CTNNA3: variants seen among roughly 807,000 people sequenced by gnomAD.
CTNNA3 encodes the protein catenin alpha 3.
Under a neutral mutation model 95.7 loss-of-function variants are expected in CTNNA3, and 76 were observed. The ratio of observed to expected loss-of-function variants is 0.79; its 90% confidence interval spans 0.66 to 0.96. CTNNA3 has a LOEUF of 0.96. CTNNA3 is among the 40% of genes least tolerant of loss of function. CTNNA3 has a pLI of 0.00. For missense variants in CTNNA3, 1,191 were observed against 1,089.8 expected (o/e 1.09, Z -1.31); for synonymous variants, 431 against 374.4 (o/e 1.15, Z -1.74).
chr10:66,636,987 T>A (rs186529892), intron 9 of CTNNA3, among the ~76,000 whole-genome samples: 2 of 152,312 alleles, frequency 1.3e-5, no homozygotes, highest in African/African-American at 4.8e-5. Context: ...AAATGTTAGC[T>A]GGATAGTTTT....
chr10:66,564,058 G>A (rs932758151), intron 10 of CTNNA3, among the ~76,000 whole-genome samples: 18 of 151,990 alleles, frequency 1.2e-4, no homozygotes, highest in Admixed American at 5.9e-4. Flanking sequence ...CTGTGTCAAG[G>A]GCACCTCCTT....
chr10:67,681,173 G>A (rs1840619540), intron 1 of CTNNA3, among the ~76,000 whole-genome samples: 1 of 152,126 alleles, frequency 6.6e-6, no homozygotes. Flanking sequence ...TTGATAAAAT[G>A]TTAAAATTCA....
At chr10:66,199,624 C>T (rs1414293755) in intron 13 of CTNNA3, among the ~76,000 whole-genome samples, 5 of 150,086 alleles carry the variant, frequency 3.3e-5, no homozygotes, top group Non-Finnish European at 7.4e-5. Flanking sequence ...GTTTTTAAGG[C>T]GAAGTCTTGC....
intron 13 of CTNNA3, among the ~76,000 whole-genome samples, chr10:66,112,325 A>G (rs2082151369): frequency 6.6e-6 from 1 of 152,180 alleles, no homozygotes; most frequent in South Asian, 2.1e-4. Context: ...GAAGATGCAA[A>G]TAAGATGTAT....
chr10:67,448,828 A>T (rs1021609153), intron 5 of CTNNA3, among the ~76,000 whole-genome samples: 5 of 148,492 alleles, frequency 3.4e-5, no homozygotes, highest in Non-Finnish European at 7.4e-5. Context: ...TATAATTGTT[A>T]TACAATTTAG....
chr10:67,265,045 G>A (rs2039680834), intron 5 of CTNNA3, among the ~76,000 whole-genome samples: 1 of 152,148 alleles, frequency 6.6e-6, no homozygotes. Flanking sequence ...ATGCAACCTA[G>A]CTTTGAAAGC....
At chr10:67,041,288 C>A (rs181429855) in intron 7 of CTNNA3, among the ~76,000 whole-genome samples, 200 of 152,184 alleles carry the variant, frequency 1.3e-3, no homozygotes, top group African/African-American at 4.6e-3. Context: ...ACTATGCTTC[C>A]AGCCTTATGG....
At chr10:66,928,850 C>A (rs1589438125) in intron 7 of CTNNA3, among the ~76,000 whole-genome samples, 1 of 152,116 alleles carries the variant, frequency 6.6e-6, no homozygotes, top group East Asian at 1.9e-4. Context: ...ACCTCACTGG[C>A]AAATCAAGGA....
At chr10:66,082,707 T>C (rs116940191) in intron 14 of CTNNA3, among the ~76,000 whole-genome samples, 3,458 of 152,238 alleles carry the variant, frequency 0.023, 54 homozygotes, top group Non-Finnish European at 0.035. Flanking sequence ...CTTTCTGTAA[T>C]TATAAAATTA....
At chr10:66,815,323 C>G (rs1842034006) in intron 7 of CTNNA3, among the ~76,000 whole-genome samples, 1 of 152,114 alleles carries the variant, frequency 6.6e-6, no homozygotes, top group African/African-American at 2.4e-5. Flanking sequence ...CCCATCCCCT[C>G]CCTTCATCCC....
In CTNNA3 at chr10:66,485,741, A is replaced by G. The variant is rs1839703626; in HGVS notation, c.1531+34876T>C. ...ATTTTTCACAGAAATAGAAAAAGCAATCCTAAAATTGACACGGATCCACAA... is the reference window on the plus strand; with the variant it reads ...ATTTTTCACAGAAATAGAAAAAGCAGTCCTAAAATTGACACGGATCCACAA... On this transcript the variant is annotated intron_variant, in intron 11 of 17. Coordinates refer to ENST00000433211, the MANE Select transcript of CTNNA3 (RefSeq NM_013266.4). Among the ~76,000 whole-genome samples the G allele has an allele frequency of 1.3e-5, 2 of 152,188 alleles. 1 individual carries two copies. The highest frequency in any genetic ancestry group is 4.8e-5 in the African/African-American group (2 of 41,462).
chr10:67,606,930 T>C lies in CTNNA3; in HGVS notation c.219A>G (p.Gly73=). Residue 73 remains glycine, a synonymous_variant, in exon 3 of 18, where the codon GGA becomes GGG. Coordinates refer to ENST00000433211, the MANE Select transcript of CTNNA3 (RefSeq NM_013266.4). ...CTGTAGCTTCCTGGGCAATCTTCTCTCCCTTGTCTAATAAATTCCAAGTTG... is the reference window on the plus strand; with the variant it reads ...CTGTAGCTTCCTGGGCAATCTTCTCCCCCTTGTCTAATAAATTCCAAGTTG... ...EEATWNLLDK[G]EKIAQEATVL... is the part of the protein sequence containing the mutation. 6.2e-7 allele frequency: 1 copy of C among 1,614,080 alleles called. No individual in the cohort carries two copies. The highest frequency in any genetic ancestry group is 8.5e-7 in the Non-Finnish European group (1 of 1,179,942).
intron 5 of CTNNA3, among the ~76,000 whole-genome samples, chr10:67,503,568 T>C (rs1839300757): frequency 6.6e-6 from 1 of 152,214 alleles, no homozygotes; most frequent in Non-Finnish European, 1.5e-5. Flanking sequence ...AATCTAAAAA[T>C]ACTCACAATT....
At chr10:66,937,442 C>G (rs1189164911) in intron 7 of CTNNA3, among the ~76,000 whole-genome samples, 5 of 152,144 alleles carry the variant, frequency 3.3e-5, no homozygotes, top group South Asian at 4.1e-4. Context: ...AATACTTTCT[C>G]CTTCCCTTCA....
chr10:66,980,990 T>C (rs1850402169), intron 7 of CTNNA3, among the ~76,000 whole-genome samples: 1 of 152,140 alleles, frequency 6.6e-6, no homozygotes, highest in Non-Finnish European at 1.5e-5. Context: ...CACCCCAACC[T>C]CCACCTCCCG....
chr10:66,605,975 T>C (rs945056261), intron 10 of CTNNA3, among the ~76,000 whole-genome samples: 5 of 152,028 alleles, frequency 3.3e-5, no homozygotes, highest in African/African-American at 1.2e-4. Flanking sequence ...TAAATGTAAA[T>C]GGGCTAAATG....
At chr10:67,054,972 C>G (rs1278581885) in intron 7 of CTNNA3, 4 of 151,916 alleles carry the variant, frequency 2.6e-5, no homozygotes, top group Non-Finnish European at 4.4e-5. Context: ...TATACAATAA[C>G]TTTCCTCCAA....
intron 1 of CTNNA3, among the ~76,000 whole-genome samples, chr10:67,753,367 C>A (rs888093594): frequency 6.6e-6 from 1 of 151,870 alleles, no homozygotes; most frequent in Non-Finnish European, 1.5e-5. Context: ...ACTATAAAAA[C>A]CCTAGAAAAA....
chr10:66,327,566 T>C (rs1392545016), intron 12 of CTNNA3, among the ~76,000 whole-genome samples: 1 of 152,152 alleles, frequency 6.6e-6, no homozygotes, highest in East Asian at 1.9e-4. Context: ...TTCTTTGCCA[T>C]TGTCGTTCAA....
Sources: gnomAD v4.1 joint callset for allele counts (sites outside exome capture counted in the v4.1 genomes callset) on GRCh38, gnomAD v4.1.1 for gene constraint, MANE v1.5 for transcripts, NCBI Gene and HGNC (gene_info 2026-07-23, HGNC 2026-07-21) for gene names.